METTL25: variants seen among roughly 807,000 people sequenced by gnomAD.
METTL25 encodes the protein probable methyltransferase-like protein 25.
METTL25 carries 64 observed loss-of-function variants against 71.6 expected under a neutral mutation model. The observed-to-expected ratio is 0.89, with a 90% CI of 0.73 to 1.10. METTL25 has a LOEUF of 1.10. Among genes scored for constraint, METTL25 ranks in the 50% least tolerant of loss-of-function variants. METTL25 has a pLI of 0.00. For missense variants in METTL25, 807 were observed against 707.0 expected (o/e 1.14, Z -1.60); for synonymous variants, 287 against 250.3 (o/e 1.15, Z -1.38).
At chr12:82,457,736 T>C (rs1006952200) in intron 9 of METTL25, among the ~76,000 whole-genome samples, 1 of 152,110 alleles carries the variant, frequency 6.6e-6, no homozygotes, top group African/African-American at 2.4e-5. Flanking sequence ...GTAATCCCTT[T>C]GTATGTACTA....
chr12:82,452,194 A>T (rs1433541579), intron 8 of METTL25, among the ~76,000 whole-genome samples: 1 of 152,234 alleles, frequency 6.6e-6, no homozygotes, highest in Non-Finnish European at 1.5e-5. Flanking sequence ...ATTTTCTTTT[A>T]TAGCGCGTTC....
At chr12:82,360,317 C>T (rs917179735) in intron 1 of METTL25, among the ~76,000 whole-genome samples, 1 of 151,922 alleles carries the variant, frequency 6.6e-6, no homozygotes, top group Non-Finnish European at 1.5e-5. Flanking sequence ...TGTGTATTTT[C>T]TCTTTTAATC....
At chr12:82,431,020 T>A in intron 6 of METTL25, 33 bp downstream of exon 6, 1 of 1,387,448 alleles carries the variant, frequency 7.2e-7, no homozygotes, top group Non-Finnish European at 1.0e-6. Flanking sequence ...AGTAACAGCT[T>A]TATCCAGATG....
chr12:82,381,867 T>C lies in METTL25; in HGVS notation c.260-4936T>C, dbSNP rs1053786039. On this transcript the variant is annotated intron_variant, in intron 1 of 11. Transcript: ENST00000248306. ...TTGAGCATTGTCTATCAGAGTTTTA[T>C]TGATAAGGGAGAAAAATCAACTATG... Among the ~76,000 whole-genome samples, 10 of 152,344 alleles carry C rather than the reference T, an allele frequency of 6.6e-5. 1 individual carries two copies. The highest frequency in any genetic ancestry group is 5.9e-4 in the Admixed American group (9 of 15,298).
At chr12:82,461,433 G>A (rs992268857) in intron 9 of METTL25, among the ~76,000 whole-genome samples, 2 of 152,122 alleles carry the variant, frequency 1.3e-5, no homozygotes, top group Non-Finnish European at 2.9e-5. Context: ...CATAAGTTAA[G>A]TGGATTTCTT....
chr12:82,473,228 T>A (rs2137309273), intron 9 of METTL25, among the ~76,000 whole-genome samples: 1 of 152,218 alleles, frequency 6.6e-6, no homozygotes, highest in South Asian at 2.1e-4. Flanking sequence ...TCAGCCAGCT[T>A]GGAGCTGGCA....
intron 9 of METTL25, among the ~76,000 whole-genome samples, chr12:82,473,833 G>A (rs997186411): frequency 1.3e-5 from 2 of 152,116 alleles, no homozygotes; most frequent in African/African-American, 4.8e-5. Context: ...TGCTGTGTAG[G>A]ACCAGAGTGA....
chr12:82,440,362 T>A (rs1347514499), intron 8 of METTL25, among the ~76,000 whole-genome samples: 2 of 151,988 alleles, frequency 1.3e-5, no homozygotes, highest in African/African-American at 4.8e-5. Flanking sequence ...ACCTCACAAA[T>A]ACATCAGTCA....
At chr12:82,389,594 T>C (rs1424351550) in intron 2 of METTL25, among the ~76,000 whole-genome samples, 1 of 152,142 alleles carries the variant, frequency 6.6e-6, no homozygotes, top group Non-Finnish European at 1.5e-5. Flanking sequence ...CCATTATAGT[T>C]AATTGTTACG....
intron 3 of METTL25, among the ~76,000 whole-genome samples, chr12:82,392,069 A>AT (rs56290985): frequency 0.92 from 136,736 of 148,376 alleles, 63,325 homozygotes; most frequent in East Asian, 1. Context: ...GCCCATTTTT[A>AT]TTTTTTTATT....
chr12:82,402,325 A>G (rs1886699955), intron 4 of METTL25, among the ~76,000 whole-genome samples: 1 of 152,128 alleles, frequency 6.6e-6, no homozygotes, highest in African/African-American at 2.4e-5. Flanking sequence ...TTGATGGGCA[A>G]TCTGAGACGT....
intron 5 of METTL25, among the ~76,000 whole-genome samples, chr12:82,418,368 G>T (rs112889023): frequency 6.6e-6 from 1 of 152,024 alleles, no homozygotes; most frequent in Admixed American, 6.6e-5. Flanking sequence ...AAACATAAAG[G>T]TGTAGTACTA....
At chr12:82,364,064 T>C (rs1290465526) in intron 1 of METTL25, among the ~76,000 whole-genome samples, 1 of 152,232 alleles carries the variant, frequency 6.6e-6, no homozygotes, top group Non-Finnish European at 1.5e-5. Flanking sequence ...ATTAATGTTA[T>C]GTATTATCTA....
At chr12:82,387,736 T>C (rs1474966764) in intron 2 of METTL25, among the ~76,000 whole-genome samples, 1 of 127,434 alleles carries the variant, frequency 7.8e-6, no homozygotes, top group East Asian at 2.5e-4. Context: ...CACACACTCT[T>C]TTTCTGAATC....
intron 5 of METTL25, among the ~76,000 whole-genome samples, chr12:82,422,514 C>T (rs1490648649): frequency 6.6e-6 from 1 of 152,148 alleles, no homozygotes. Context: ...CTCACCACTC[C>T]TATTCAACAT....
chr12:82,362,325 A>G (rs1430372862), intron 1 of METTL25, among the ~76,000 whole-genome samples: 1 of 152,242 alleles, frequency 6.6e-6, no homozygotes, highest in Non-Finnish European at 1.5e-5. Flanking sequence ...TATTGACTCC[A>G]GCACTTAGTA....
intron 4 of METTL25, among the ~76,000 whole-genome samples, chr12:82,401,256 A>G (rs1320776478): frequency 6.6e-6 from 1 of 152,128 alleles, no homozygotes; most frequent in African/African-American, 2.4e-5. Flanking sequence ...ATTTTTAAAA[A>G]TGTTAGTGAA....
rs376343264 is a variant in METTL25, at chr12:82,418,650, C to T, written c.1280-12243C>T. Among the ~76,000 whole-genome samples, 6 of 152,024 alleles carry T rather than the reference C, an allele frequency of 3.9e-5. No homozygotes were observed. The East Asian group carries it at 7.7e-4, about 20-fold the overall frequency. On this transcript the variant is annotated intron_variant, in intron 5 of 11. Transcript: ENST00000248306. ...CATGGGATCTATACTAAGTGCCACT[C>T]GTGATGCTGTAAATGTTCCCAAGAA... is the stretch of plus-strand genomic sequence containing the variant.
At chr12:82,430,052 T>C (rs893852490) in intron 5 of METTL25, among the ~76,000 whole-genome samples, 10 of 150,934 alleles carry the variant, frequency 6.6e-5, no homozygotes, top group African/African-American at 2.4e-4. Context: ...AGCACCTTTT[T>C]GTTTTTATTT....
Sources: gnomAD v4.1 joint callset for allele counts (sites outside exome capture counted in the v4.1 genomes callset) on GRCh38, gnomAD v4.1.1 for gene constraint, MANE v1.5 for transcripts, NCBI Gene and HGNC (gene_info 2026-07-23, HGNC 2026-07-21) for gene names.